Variants in CNTNAP3B observed in about 807,000 individuals in gnomAD.
CNTNAP3B encodes contactin-associated protein-like 3B.
A neutral mutation model predicts 108.9 loss-of-function variants in CNTNAP3B; 25 were observed. The observed-to-expected ratio is 0.23, with a 90% CI of 0.17 to 0.32. The LOEUF (loss-of-function observed/expected upper bound fraction) is 0.32. Among genes scored for constraint, CNTNAP3B ranks in the 10% least tolerant of loss-of-function variants. CNTNAP3B has a pLI of 1.00. For synonymous variants in CNTNAP3B, 103 were observed against 473.4 expected, an observed-to-expected ratio of 0.22 and a Z score of 10.16; for missense variants, 252 against 1,210.4, an observed-to-expected ratio of 0.21 and a Z score of 11.75.
chr9:42,085,366 C>T (rs898448289), intron 2 of CNTNAP3B, among the ~76,000 whole-genome samples: 7 of 140,092 alleles, frequency 5.0e-5, no homozygotes, highest in Non-Finnish European at 9.2e-5. Flanking sequence ...CACGACAATC[C>T]TCCTCATTGG....
chr9:41,967,973 C>T (rs1238459411), intron 10 of CNTNAP3B, among the ~76,000 whole-genome samples: 6 of 152,216 alleles, frequency 3.9e-5, no homozygotes, highest in African/African-American at 1.4e-4. Flanking sequence ...ATTTGGAGGC[C>T]TTTTTAAAAT....
intron 10 of CNTNAP3B, among the ~76,000 whole-genome samples, chr9:41,966,916 G>C (rs536294853): frequency 1.3e-5 from 2 of 150,228 alleles, no homozygotes; most frequent in African/African-American, 5.0e-5. Context: ...GCAGTGAGCC[G>C]AGATCGTGCC....
At chr9:41,967,040 A>G (rs1339785114) in intron 10 of CNTNAP3B, among the ~76,000 whole-genome samples, 4 of 149,904 alleles carry the variant, frequency 2.7e-5, no homozygotes, top group African/African-American at 1.0e-4. Flanking sequence ...CAAAGTGCCC[A>G]TTGCTATTTT....
chr9:42,056,063 A>G (rs1341061548), intron 3 of CNTNAP3B, among the ~76,000 whole-genome samples: 1 of 112,830 alleles, frequency 8.9e-6, no homozygotes, highest in Non-Finnish European at 1.9e-5. Context: ...TCATACTTAA[A>G]TTTGTTCTTA....
rs1826995106 is a variant in CNTNAP3B, at chr9:42,053,394, G to A, written c.390+23475C>T. Among the ~76,000 whole-genome samples the A allele has an allele frequency of 3.7e-5, 5 of 134,622 alleles. No homozygotes were observed. In the South Asian group the frequency reaches 1.2e-3, roughly 33 times the overall value. 88.3% of individuals were successfully genotyped at this position (134,622 alleles called of 152,430 possible). ...TGAATTGATGTCATATGTATAATTTGGGGGAAAGGCCAGCATAGAATAATT... is the reference window on the plus strand; with the variant it reads ...TGAATTGATGTCATATGTATAATTTAGGGGAAAGGCCAGCATAGAATAATT... On this transcript the variant is annotated intron_variant, in intron 3 of 23. Transcript: ENST00000377561.
At chr9:41,953,014 A>C (rs1247731755) in intron 13 of CNTNAP3B, among the ~76,000 whole-genome samples, 169 bp downstream of exon 13, 3 of 152,272 alleles carry the variant, frequency 2.0e-5, no homozygotes, top group African/African-American at 7.2e-5. Context: ...GGCGCTCTTG[A>C]ATGCTCTTTG....
intron 1 of CNTNAP3B, among the ~76,000 whole-genome samples, chr9:42,122,012 G>A (rs1200998371): frequency 7.2e-6 from 1 of 139,426 alleles, no homozygotes; most frequent in Non-Finnish European, 1.5e-5. Flanking sequence ...AATATGGATG[G>A]GCACAGATGG....
At chr9:42,057,028 AT>A (rs970413237) in intron 3 of CNTNAP3B, among the ~76,000 whole-genome samples, 2 of 20,422 alleles carry the variant, frequency 9.8e-5, no homozygotes, top group Admixed American at 1.2e-3. Flanking sequence ...AGTTTTATTA[AT>A]TTTTTCCTGA....
At chr9:41,926,822 G>A (rs1397396617) in intron 15 of CNTNAP3B, 1 of 152,386 alleles carries the variant, frequency 6.6e-6, no homozygotes, top group African/African-American at 2.4e-5. Flanking sequence ...ATATCCTGAA[G>A]AGTCTCACAA....
At chr9:42,103,438 G>T (rs1322426252) in intron 2 of CNTNAP3B, among the ~76,000 whole-genome samples, 1 of 47,698 alleles carries the variant, frequency 2.1e-5, no homozygotes, top group South Asian at 6.4e-4. Flanking sequence ...AAAAAAAAAA[G>T]GCTGGGCGCG....
At chr9:41,932,038 A>G (rs1166140756) in intron 14 of CNTNAP3B, among the ~76,000 whole-genome samples, 3,314 of 149,488 alleles carry the variant, frequency 0.022, 21 homozygotes, top group East Asian at 0.19. Flanking sequence ...TCTGAGCATA[A>G]AGATAGCCAG....
At chr9:41,935,345 G>A (rs1480427831) in intron 14 of CNTNAP3B, among the ~76,000 whole-genome samples, 1 of 152,250 alleles carries the variant, frequency 6.6e-6, no homozygotes, top group African/African-American at 2.4e-5. Flanking sequence ...ACGGACATAT[G>A]CCTGAAGAGA....
chr9:41,940,851 A>G (rs1416105594), intron 13 of CNTNAP3B, among the ~76,000 whole-genome samples: 2 of 152,254 alleles, frequency 1.3e-5, no homozygotes, highest in African/African-American at 4.8e-5. Context: ...TTTTTAACAC[A>G]AAAGAAAACT....
At chr9:41,937,435 T>A (rs1824193042) in intron 14 of CNTNAP3B, among the ~76,000 whole-genome samples, 1 of 151,330 alleles carries the variant, frequency 6.6e-6, no homozygotes, top group African/African-American at 2.4e-5. Flanking sequence ...CCTAAGTTTT[T>A]TTTTAAAGCA....
chr9:41,921,579 T>A (rs891687999), intron 17 of CNTNAP3B, among the ~76,000 whole-genome samples: 1 of 152,270 alleles, frequency 6.6e-6, no homozygotes, highest in Admixed American at 6.5e-5. Context: ...AAGTGAGAGC[T>A]TTAATCTGTG....
intron 1 of CNTNAP3B, among the ~76,000 whole-genome samples, chr9:42,122,577 C>T (rs1828486856): frequency 7.5e-6 from 1 of 133,472 alleles, no homozygotes; most frequent in Admixed American, 7.6e-5. Flanking sequence ...ATTTATTTTC[C>T]CATTTGATGT....
chr9:42,112,268 A>T lies in CNTNAP3B; in HGVS notation c.86-7529T>A, dbSNP rs1405055184. On this transcript the variant is annotated intron_variant, in intron 1 of 23. Coordinates refer to ENST00000377561, the MANE Select transcript of CNTNAP3B (RefSeq NM_001201380.3). The stretch of plus-strand genomic sequence containing the variant: ...TTTGTCTCTGCTCTGAAGTCTTCTC[A>T]CATGTGTGAAGGCCCCAGTAAGGCT... Among the ~76,000 whole-genome samples the T allele has an allele frequency of 1.4e-5, 2 of 139,394 alleles. 1 individual carries two copies. Among genetic ancestry groups the T allele is most frequent in the East Asian group, 4.3e-4 (2 of 4,604 alleles). The allele number at this position is 139,394 out of a possible 152,430, so 91.4% of individuals were successfully genotyped here. A position where few individuals can be genotyped will look rare whatever the true frequency, so the allele number is the denominator to read the frequency against.
At chr9:42,062,572 T>A (rs1354175982) in intron 3 of CNTNAP3B, among the ~76,000 whole-genome samples, 2 of 112,442 alleles carry the variant, frequency 1.8e-5, no homozygotes, top group Non-Finnish European at 3.6e-5. Flanking sequence ...AGTCACACTA[T>A]GTCTTCTGAT....
chr9:41,947,684 G>A (rs1253901487), intron 13 of CNTNAP3B, among the ~76,000 whole-genome samples: 1 of 151,794 alleles, frequency 6.6e-6, no homozygotes, highest in Non-Finnish European at 1.5e-5. Flanking sequence ...ACAAAGAGAA[G>A]AGCAGATTTC....
Sources: allele counts gnomAD v4.1 joint callset (sites outside exome capture counted in the v4.1 genomes callset), GRCh38; gene constraint gnomAD v4.1.1; transcripts MANE v1.5; gene names NCBI Gene and HGNC (gene_info 2026-07-23, HGNC 2026-07-21).